Variants in TSPAN12 observed in about 807,000 individuals in gnomAD.
The protein encoded by TSPAN12 is tetraspanin 12.
TSPAN12 carries 19 observed loss-of-function variants against 39.2 expected under a neutral mutation model. The observed-to-expected ratio is 0.49, with a 90% CI of 0.34 to 0.71. The LOEUF is 0.71. Ranked by LOEUF, TSPAN12 falls within the 30% of genes least tolerant of loss-of-function variation. The pLI is 0.01. For synonymous variants in TSPAN12, 119 were observed against 124.8 expected, an observed-to-expected ratio of 0.95 and a Z score of 0.31; for missense variants, 314 against 359.9, an observed-to-expected ratio of 0.87 and a Z score of 1.03.
chr7:120,856,788 C>A lies in TSPAN12; in HGVS notation c.-25G>T. On this transcript the variant is annotated 5_prime_UTR_variant, in exon 2 of 8. Transcript: ENST00000222747. The stretch of plus-strand genomic sequence containing the variant: ...TTGTGAGCCCCGTAAGGGAGAAGCC[C>A]CATCCTTTCACCACATCCTACTCCC... The A allele has an allele frequency of 6.2e-7, 1 of 1,613,880 alleles. No homozygotes were observed. Among genetic ancestry groups the A allele is most frequent in the South Asian group, 1.1e-5 (1 of 91,072 alleles).
intron 1 of TSPAN12, 106 bp from the exon 2 acceptor site, chr7:120,856,939 A>T (rs1450441488): frequency 2.9e-6 from 2 of 692,228 alleles, no homozygotes; most frequent in Non-Finnish European, 5.2e-6. Context: ...GAGGGTCCCG[A>T]GGCCCAGTGC....
chr7:120,794,641 A>G (rs1009092757), intron 7 of TSPAN12, among the ~76,000 whole-genome samples: 2 of 152,192 alleles, frequency 1.3e-5, no homozygotes, highest in African/African-American at 4.8e-5. Context: ...TAAATTACCC[A>G]GTCTCAAGTA....
intron 7 of TSPAN12, among the ~76,000 whole-genome samples, chr7:120,793,007 C>T (rs1022979778): frequency 4.6e-5 from 7 of 152,208 alleles, no homozygotes; most frequent in Non-Finnish European, 7.3e-5. Flanking sequence ...CTTGTTGGAA[C>T]CTGCCTTCTT....
At chr7:120,853,012 A>T (rs1794798174) in intron 2 of TSPAN12, among the ~76,000 whole-genome samples, 1 of 152,216 alleles carries the variant, frequency 6.6e-6, no homozygotes, top group African/African-American at 2.4e-5. Flanking sequence ...CATTGCCTTA[A>T]CACTGAAGAA....
intron 5 of TSPAN12, among the ~76,000 whole-genome samples, chr7:120,810,839 C>T (rs975810826): frequency 4.6e-5 from 7 of 152,044 alleles, no homozygotes; most frequent in African/African-American, 1.7e-4. Context: ...CACTTTAATG[C>T]TCAAGGAAAT....
At chr7:120,826,691 G>T (rs904033799) in intron 4 of TSPAN12, among the ~76,000 whole-genome samples, 1 of 151,956 alleles carries the variant, frequency 6.6e-6, no homozygotes, top group African/African-American at 2.4e-5. Flanking sequence ...ACAAAAGAGG[G>T]GAATGAGTTC....
At chr7:120,828,711 C>T (rs557430585) in intron 4 of TSPAN12, among the ~76,000 whole-genome samples, 54 of 126,652 alleles carry the variant, frequency 4.3e-4, no homozygotes, top group African/African-American at 1.5e-3. Context: ...AGAGAACTTT[C>T]GGAATGAAAG....
At chr7:120,812,436 A>C (rs923974338) in intron 5 of TSPAN12, among the ~76,000 whole-genome samples, 3 of 152,208 alleles carry the variant, frequency 2.0e-5, no homozygotes, top group Non-Finnish European at 4.4e-5. Flanking sequence ...AAAGATAGAG[A>C]ACCAAAAAGG....
chr7:120,825,032 C>G (rs984354667), intron 4 of TSPAN12, among the ~76,000 whole-genome samples: 10 of 152,178 alleles, frequency 6.6e-5, no homozygotes, highest in African/African-American at 2.2e-4. Context: ...AACTCTGTAT[C>G]TACCTCACCA....
chr7:120,851,546 G>A (rs370031859), intron 2 of TSPAN12, among the ~76,000 whole-genome samples: 16 of 151,964 alleles, frequency 1.1e-4, no homozygotes, highest in African/African-American at 3.6e-4. Context: ...TTTTCAAGGA[G>A]AACCATATTT....
At chr7:120,802,057 T>C (rs899885096) in intron 7 of TSPAN12, among the ~76,000 whole-genome samples, 1 of 152,230 alleles carries the variant, frequency 6.6e-6, no homozygotes, top group African/African-American at 2.4e-5. Context: ...TTTATGCTTC[T>C]CTTCTCCAGA....
chr7:120,837,910 C>A (rs1235127996), intron 4 of TSPAN12, among the ~76,000 whole-genome samples: 2 of 152,160 alleles, frequency 1.3e-5, no homozygotes, highest in Non-Finnish European at 2.9e-5. Context: ...CCACGGAAAT[C>A]CCCAAATGCT....
intron 2 of TSPAN12, among the ~76,000 whole-genome samples, chr7:120,847,517 C>T (rs766147490): frequency 1.4e-4 from 21 of 152,154 alleles, no homozygotes; most frequent in Non-Finnish European, 2.8e-4. Flanking sequence ...CCTGTATGTC[C>T]CTCCCACTGT....
intron 7 of TSPAN12, among the ~76,000 whole-genome samples, chr7:120,795,355 T>G (rs1185311071): frequency 1.3e-5 from 2 of 152,196 alleles, no homozygotes; most frequent in African/African-American, 4.8e-5. Flanking sequence ...TAGCTGTAAA[T>G]AATAACACTA....
chr7:120,800,113 TATC>T (rs1793737269), intron 7 of TSPAN12, among the ~76,000 whole-genome samples: 1 of 151,938 alleles, frequency 6.6e-6, no homozygotes, highest in East Asian at 1.9e-4. Context: ...ATAAAACAAA[TATC>T]ATTTGCCAAG....
chr7:120,816,374 A>C (rs994736386), intron 4 of TSPAN12, among the ~76,000 whole-genome samples: 5 of 151,180 alleles, frequency 3.3e-5, no homozygotes, highest in Admixed American at 6.6e-5. Context: ...GCAAAAAAAA[A>C]CACAAAGTTG....
chr7:120,831,324 C>T (rs1308013742), intron 4 of TSPAN12, among the ~76,000 whole-genome samples: 3 of 151,860 alleles, frequency 2.0e-5, no homozygotes, highest in African/African-American at 4.8e-5. Context: ...AATAGGAATG[C>T]CACAGAGATA....
At chr7:120,806,492 TAA>T in intron 7 of TSPAN12, 55 bp downstream of exon 7, 1 of 1,593,372 alleles carries the variant, frequency 6.3e-7, no homozygotes, top group Non-Finnish European at 8.6e-7. Flanking sequence ...GTTGATTCTT[TAA>T]AGTTATTCCT....
chr7:120,838,707 A>C, intron 4 of TSPAN12, 70 bp downstream of exon 4: 1 of 1,522,888 alleles, frequency 6.6e-7, no homozygotes, highest in Admixed American at 1.7e-5. Flanking sequence ...AATCTTGTGA[A>C]CTGATTAAAA....
Sources: allele counts gnomAD v4.1 joint callset (sites outside exome capture counted in the v4.1 genomes callset), GRCh38; gene constraint gnomAD v4.1.1; transcripts MANE v1.5; gene names NCBI Gene and HGNC (gene_info 2026-07-23, HGNC 2026-07-21).